HIBADH: variants seen among roughly 807,000 people sequenced by gnomAD.
The protein encoded by HIBADH is 3-hydroxyisobutyrate dehydrogenase, mitochondrial.
Under a neutral mutation model 36.1 loss-of-function variants are expected in HIBADH, and 25 were observed. The observed-to-expected ratio is 0.69, with a 90% confidence interval of 0.50 to 0.97. The LOEUF (loss-of-function observed/expected upper bound fraction) is 0.97, where lower values mean the gene tolerates loss of function less well. Among genes scored for constraint, HIBADH ranks in the 50% least tolerant of loss-of-function variants. HIBADH has a pLI of 0.00. For synonymous variants in HIBADH, 160 were observed against 149.5 expected (o/e 1.07, Z -0.51); for missense variants, 421 against 418.0 (o/e 1.01, Z -0.06).
intron 4 of HIBADH, among the ~76,000 whole-genome samples, chr7:27,574,482 A>T (rs1325177995): frequency 8.5e-5 from 13 of 152,102 alleles, no homozygotes; most frequent in Admixed American, 8.5e-4. Context: ...AGGAAAGTAC[A>T]TTCCAAACTC....
At chr7:27,628,374 A>G (rs966478210) in intron 4 of HIBADH, among the ~76,000 whole-genome samples, 10 of 152,088 alleles carry the variant, frequency 6.6e-5, no homozygotes, top group African/African-American at 2.4e-4. Context: ...AAAGCCCACA[A>G]TCAAGTTTAA....
intron 4 of HIBADH, among the ~76,000 whole-genome samples, chr7:27,613,003 T>C (rs1239277086): frequency 1.5e-5 from 2 of 137,228 alleles, no homozygotes; most frequent in South Asian, 4.3e-4. Flanking sequence ...ATATAGGATA[T>C]ATATATCCAA....
intron 4 of HIBADH, among the ~76,000 whole-genome samples, chr7:27,587,094 G>A (rs1467871544): frequency 6.6e-6 from 1 of 152,202 alleles, no homozygotes; most frequent in African/African-American, 2.4e-5. Flanking sequence ...AATTACTCAA[G>A]TGTGCCCTAT....
At chr7:27,645,368 ATTTTTTTT>A (rs762685685) in intron 2 of HIBADH, among the ~76,000 whole-genome samples, 7 of 59,650 alleles carry the variant, frequency 1.2e-4, no homozygotes, top group Middle Eastern at 0.013. Context: ...CATGGTTTTG[ATTTTTTTT>A]TTTTTTTTTT....
intron 4 of HIBADH, among the ~76,000 whole-genome samples, chr7:27,621,432 G>A (rs899859499): frequency 6.6e-6 from 1 of 152,190 alleles, no homozygotes; most frequent in African/African-American, 2.4e-5. Context: ...TTTTCCATCA[G>A]TATATGGAAC....
At chr7:27,540,837 A>AAGTC (rs1390254712) in intron 5 of HIBADH, among the ~76,000 whole-genome samples, 1 of 152,146 alleles carries the variant, frequency 6.6e-6, no homozygotes, top group Non-Finnish European at 1.5e-5. Flanking sequence ...ATAACTTTAA[A>AAGTC]AGTCAGTCCC....
intron 4 of HIBADH, among the ~76,000 whole-genome samples, chr7:27,597,861 G>A (rs989872214): frequency 8.5e-5 from 13 of 152,088 alleles, no homozygotes; most frequent in Non-Finnish European, 1.9e-4. Flanking sequence ...AATATTAATG[G>A]CAAATAGCTG....
At chr7:27,547,265 A>C (rs1487230403) in intron 4 of HIBADH, among the ~76,000 whole-genome samples, 1 of 152,182 alleles carries the variant, frequency 6.6e-6, no homozygotes, top group Admixed American at 6.6e-5. Flanking sequence ...GATACTCATG[A>C]CTGGTATAGT....
intron 1 of HIBADH, among the ~76,000 whole-genome samples, chr7:27,651,238 T>C (rs1277266379): frequency 6.6e-6 from 1 of 152,208 alleles, no homozygotes; most frequent in Admixed American, 6.5e-5. Flanking sequence ...AGAGGTCTTC[T>C]TGGGTTGGAA....
At chr7:27,551,995 T>A (rs556377994) in intron 4 of HIBADH, among the ~76,000 whole-genome samples, 1 of 152,338 alleles carries the variant, frequency 6.6e-6, no homozygotes, top group African/African-American at 2.4e-5. Flanking sequence ...CTCTATTGTT[T>A]ACCAGCGACA....
At chr7:27,650,279 C>CA (rs35475209) in intron 1 of HIBADH, among the ~76,000 whole-genome samples, 104,020 of 138,852 alleles carry the variant, frequency 0.75, 38,738 homozygotes, top group East Asian at 0.93. Context: ...TCCAATGATA[C>CA]AAAAAAAAAA....
intron 4 of HIBADH, among the ~76,000 whole-genome samples, chr7:27,602,333 T>G (rs566402535): frequency 2.0e-5 from 3 of 152,082 alleles, no homozygotes; most frequent in Non-Finnish European, 4.4e-5. Context: ...TTAAGGTGAT[T>G]AGAGATGTTT....
At chr7:27,558,456 T>C (rs1250165775) in intron 4 of HIBADH, among the ~76,000 whole-genome samples, 1 of 152,058 alleles carries the variant, frequency 6.6e-6, no homozygotes, top group Non-Finnish European at 1.5e-5. Flanking sequence ...GCCTCCCAAA[T>C]AGCTGGGACC....
intron 4 of HIBADH, among the ~76,000 whole-genome samples, chr7:27,552,892 T>A (rs1439972448): frequency 6.6e-6 from 1 of 152,190 alleles, no homozygotes; most frequent in East Asian, 1.9e-4. Flanking sequence ...GAGCTCTGCA[T>A]CAAAATATTT....
chr7:27,544,200 A>G (rs898340282), intron 4 of HIBADH, among the ~76,000 whole-genome samples: 5 of 152,282 alleles, frequency 3.3e-5, no homozygotes, highest in East Asian at 3.9e-4. Flanking sequence ...TACAGTATTT[A>G]TATATTTTTT....
chr7:27,539,230 G>A (rs546508226), intron 5 of HIBADH, among the ~76,000 whole-genome samples: 3 of 152,132 alleles, frequency 2.0e-5, no homozygotes, highest in Non-Finnish European at 4.4e-5. Context: ...GACATTCAGA[G>A]ACTATTAGGC....
chr7:27,657,628 G>C (rs1398126725), intron 1 of HIBADH, among the ~76,000 whole-genome samples: 1 of 152,046 alleles, frequency 6.6e-6, no homozygotes, highest in Non-Finnish European at 1.5e-5. Context: ...GTTTTCAAAG[G>C]ACTCAGCTCT....
At chr7:27,587,756 T>G (rs912963589) in intron 4 of HIBADH, among the ~76,000 whole-genome samples, 1 of 152,234 alleles carries the variant, frequency 6.6e-6, no homozygotes, top group African/African-American at 2.4e-5. Flanking sequence ...TGAAGCCATT[T>G]AACCATTTCT....
At chr7:27,569,250 T>C (rs1276352382) in intron 4 of HIBADH, among the ~76,000 whole-genome samples, 1 of 152,218 alleles carries the variant, frequency 6.6e-6, no homozygotes, top group East Asian at 1.9e-4. Flanking sequence ...TAAAGCATGG[T>C]TATAACAGCT....
Sources: gnomAD v4.1 joint callset for allele counts (sites outside exome capture counted in the v4.1 genomes callset) on GRCh38, gnomAD v4.1.1 for gene constraint, MANE v1.5 for transcripts, NCBI Gene and HGNC (gene_info 2026-07-23, HGNC 2026-07-21) for gene names.